The following XRCC6 variants were observed in gnomAD, a reference collection of about 807,000 sequenced individuals.
XRCC6 encodes the protein X-ray repair cross complementing 6.
A neutral mutation model predicts 65.7 loss-of-function variants in XRCC6; 5 were observed. The ratio of observed to expected loss-of-function variants is 0.08; its 90% CI spans 0.04 to 0.16. XRCC6 has a LOEUF of 0.16. Ranked by LOEUF, XRCC6 falls within the 10% of genes least tolerant of loss-of-function variation. The pLI is 1.00. For synonymous variants in XRCC6, 270 were observed against 270.6 expected, an observed-to-expected ratio of 1.00 and a Z score of 0.02; for missense variants, 447 against 738.1, an observed-to-expected ratio of 0.61 and a Z score of 4.57.
At chr22:41,630,611 A>G (rs909557456) in intron 3 of XRCC6, among the ~76,000 whole-genome samples, 15 of 151,630 alleles carry the variant, frequency 9.9e-5, no homozygotes, top group African/African-American at 3.6e-4. Flanking sequence ...CAAGTGAACA[A>G]AGGTCTCTGG....
chr22:41,636,589 C>T lies in XRCC6; in HGVS notation c.408C>T (p.Gly136=), dbSNP rs770180522. The change falls in exon 5 of 13, where the codon GGC becomes GGT. Residue 136 remains glycine (G), a synonymous_variant. Coordinates refer to ENST00000360079, the MANE Select transcript of XRCC6 (RefSeq NM_001469.5). ...QGQKRFQDMM[G]HGSDYSLSEV... is the part of the protein sequence containing the mutation. ...AAAAACGTTTCCAAGACATGATGGG[C>T]CACGGATCTGACTACTCACTCAGTG... 5.6e-6 allele frequency: 9 copies of T among 1,614,020 alleles called. No individual in the cohort carries two copies. In the East Asian group the frequency reaches 1.6e-4, roughly 28 times the overall value.
chr22:41,626,113 C>T (rs1188643023), intron 2 of XRCC6, among the ~76,000 whole-genome samples: 2 of 151,652 alleles, frequency 1.3e-5, no homozygotes, highest in Admixed American at 6.6e-5. Flanking sequence ...GCTGGGATTA[C>T]AGGCATGAGC....
chr22:41,645,849 C>A (rs73424917), intron 6 of XRCC6, among the ~76,000 whole-genome samples: 1 of 151,696 alleles, frequency 6.6e-6, no homozygotes, highest in African/African-American at 2.4e-5. Context: ...ACTGTGCGTG[C>A]GCCACCATGC....
intron 4 of XRCC6, 95 bp from the exon 5 acceptor site, chr22:41,636,421 G>A: frequency 6.5e-7 from 1 of 1,533,794 alleles, no homozygotes; most frequent in Non-Finnish European, 8.8e-7. Flanking sequence ...AACAGCTCTG[G>A]GGTGAAAAAG....
At chr22:41,653,472 G>T in intron 8 of XRCC6, 57 bp from the exon 9 acceptor site, 1 of 1,496,286 alleles carries the variant, frequency 6.7e-7, no homozygotes, top group South Asian at 1.3e-5. Context: ...AGGGCTAAAA[G>T]AGAAGAAAGG....
intron 1 of XRCC6, chr22:41,621,685 T>C (rs2147056823): frequency 2.7e-6 from 1 of 368,348 alleles, no homozygotes; most frequent in Non-Finnish European, 5.1e-6. Flanking sequence ...TTAGTCAGCA[T>C]AGAATCCTGG....
chr22:41,651,644 C>T (rs141818668), intron 8 of XRCC6, among the ~76,000 whole-genome samples: 1,796 of 150,874 alleles, frequency 0.012, 40 homozygotes, highest in African/African-American at 0.041. Context: ...TCTCCTTCCT[C>T]AGCCTCTGGA....
At chr22:41,637,032 A>G (rs1406131430) in intron 5 of XRCC6, among the ~76,000 whole-genome samples, 1 of 151,624 alleles carries the variant, frequency 6.6e-6, no homozygotes, top group East Asian at 1.9e-4. Flanking sequence ...GCAGATGGCC[A>G]TGCCATTAGC....
intron 2 of XRCC6, among the ~76,000 whole-genome samples, chr22:41,623,646 C>G (rs1426720165): frequency 1.3e-5 from 2 of 152,122 alleles, no homozygotes; most frequent in African/African-American, 2.4e-5. Context: ...CTCAGCATCC[C>G]AAAGTGCTGG....
intron 1 of XRCC6, chr22:41,621,769 G>A (rs543715206): frequency 5.9e-6 from 3 of 504,268 alleles, no homozygotes; most frequent in East Asian, 3.5e-5. Context: ...GGCCGCCGCC[G>A]GCCCTGAAAC....
intron 6 of XRCC6, among the ~76,000 whole-genome samples, chr22:41,645,621 C>T (rs1271122982): frequency 6.6e-6 from 1 of 151,744 alleles, no homozygotes; most frequent in Non-Finnish European, 1.5e-5. Flanking sequence ...AAGGGTAATT[C>T]CCAAAGAAAA....
At chr22:41,636,393 AC>A in intron 4 of XRCC6, 122 bp from the exon 5 acceptor site, 3 of 1,491,302 alleles carry the variant, frequency 2.0e-6, no homozygotes, top group Non-Finnish European at 2.7e-6. Flanking sequence ...CTCGATGTGG[AC>A]TTTGTTAAAT....
intron 12 of XRCC6, chr22:41,661,705 CTACCATATGATCCAGCA>C (rs767568873): frequency 4.9e-6 from 2 of 410,124 alleles, no homozygotes; most frequent in South Asian, 2.9e-5. Flanking sequence ...AAAACTAGAG[CTACCATATGATCCAGCA>C]TACCATATGA....
Position 41,627,350 on chromosome 22 carries a change from T to C in XRCC6, c.83-768T>C, listed in dbSNP as rs1418150215. Among the ~76,000 whole-genome samples, 3 of 151,808 alleles carry C rather than the reference T, an allele frequency of 2.0e-5. No homozygotes were observed. The East Asian group carries it at 5.8e-4, about 29-fold the overall frequency. ...GCGGGGTGGGGTGCGGTGGCTCACGTCTATAATCCTAGCACTTTGGGAGTC... is the reference window on the plus strand; with the variant it reads ...GCGGGGTGGGGTGCGGTGGCTCACGCCTATAATCCTAGCACTTTGGGAGTC... On this transcript the variant is annotated intron_variant, in intron 2 of 12. Coordinates refer to ENST00000360079, the MANE Select transcript of XRCC6 (RefSeq NM_001469.5).
At chr22:41,635,960 C>G (rs1169931206) in intron 3 of XRCC6, among the ~76,000 whole-genome samples, 153 bp from the exon 4 acceptor site, 1 of 152,172 alleles carries the variant, frequency 6.6e-6, no homozygotes, top group Non-Finnish European at 1.5e-5. Context: ...CCATTACTTT[C>G]ACTGATTCAT....
intron 5 of XRCC6, among the ~76,000 whole-genome samples, chr22:41,637,356 A>G (rs769212502): frequency 2.6e-5 from 4 of 152,104 alleles, no homozygotes; most frequent in African/African-American, 4.8e-5. Flanking sequence ...AGTGCTGGGG[A>G]TGACAGATGT....
chr22:41,637,563 GA>G lies in XRCC6; in HGVS notation c.590-41del, dbSNP rs770660299. ...TAACTGAAAGAACTTCTCACTTGCT[GA>G]AAATTGTTTTTTCCTCCCTCACTTT... On this transcript the variant is annotated intron_variant, in intron 5 of 12. Coordinates refer to ENST00000360079, the MANE Select transcript of XRCC6 (RefSeq NM_001469.5). 14 of 1,477,134 alleles carry G rather than the reference GA, an allele frequency of 9.5e-6. No individual in the cohort carries two copies. The South Asian group carries it at 1.9e-4, about 20-fold the overall frequency. The allele number at this position is 1,477,134 out of a possible 1,614,324, so 91.5% of individuals were successfully genotyped here. A position where few individuals can be genotyped will look rare whatever the true frequency, so the allele number is the denominator to read the frequency against.
chr22:41,642,789 T>A (rs2067892230), intron 6 of XRCC6, among the ~76,000 whole-genome samples: 1 of 152,182 alleles, frequency 6.6e-6, no homozygotes, highest in Admixed American at 6.5e-5. Flanking sequence ...TATCGTCAAC[T>A]CTCCTTCAAG....
rs200669332 is a variant in XRCC6 at position 41,658,362 on chromosome 22, T to C, written c.1522+10T>C. Reference sequence around the variant, plus strand: ...GCAGTGGACCTGACATGTAAGGAGGTTGAATAGAGTAGTTCTTTTCATGGG... The same window carrying C: ...GCAGTGGACCTGACATGTAAGGAGGCTGAATAGAGTAGTTCTTTTCATGGG... On this transcript the variant is annotated intron_variant, in intron 11 of 12. Coordinates refer to ENST00000360079, the MANE Select transcript of XRCC6 (RefSeq NM_001469.5). The C allele has an allele frequency of 6.2e-7, 1 of 1,613,038 alleles. No individual in the cohort carries two copies. Among genetic ancestry groups the C allele is most frequent in the Non-Finnish European group, 8.5e-7 (1 of 1,179,192 alleles).
Sources: gnomAD v4.1 joint callset for allele counts (sites outside exome capture counted in the v4.1 genomes callset) on GRCh38, gnomAD v4.1.1 for gene constraint, MANE v1.5 for transcripts, NCBI Gene and HGNC (gene_info 2026-07-23, HGNC 2026-07-21) for gene names.